COL19A1: variants seen among roughly 807,000 people sequenced by gnomAD.
COL19A1 encodes collagen alpha-1(XIX) chain.
COL19A1 carries 159 observed loss-of-function variants against 190.2 expected under a neutral mutation model. The ratio of observed to expected loss-of-function variants is 0.84; its 90% confidence interval spans 0.73 to 0.95. The LOEUF is 0.95. COL19A1 is among the 40% of genes least tolerant of loss of function. The pLI, the probability that COL19A1 is intolerant of heterozygous loss-of-function variation, is 0.00. For synonymous variants in COL19A1, 509 were observed against 458.9 expected (o/e 1.11, Z -1.39); for missense variants, 1,418 against 1,431.9 (o/e 0.99, Z 0.16).
chr6:69,971,624 C>A (rs773355230), intron 11 of COL19A1, among the ~76,000 whole-genome samples: 1 of 152,152 alleles, frequency 6.6e-6, no homozygotes, highest in Non-Finnish European at 1.5e-5. Context: ...ACAGAGAATT[C>A]CAAACGTTTT....
At chr6:70,004,744 G>A (rs1046292960) in intron 11 of COL19A1, among the ~76,000 whole-genome samples, 3 of 151,848 alleles carry the variant, frequency 2.0e-5, no homozygotes, top group African/African-American at 7.3e-5. Context: ...TCTCTAAACT[G>A]GTTATTCTAG....
intron 9 of COL19A1, among the ~76,000 whole-genome samples, chr6:69,950,425 A>G (rs1232243724): frequency 9.9e-5 from 15 of 151,824 alleles, no homozygotes; most frequent in Non-Finnish European, 1.5e-5. Flanking sequence ...ACTGTTAAAC[A>G]TTGCATAAAA....
chr6:70,158,050 G>A (rs1008712348), intron 34 of COL19A1, among the ~76,000 whole-genome samples: 24 of 152,022 alleles, frequency 1.6e-4, no homozygotes, highest in African/African-American at 5.8e-4. Flanking sequence ...TCACAAAATT[G>A]TACACAATTC....
intron 11 of COL19A1, among the ~76,000 whole-genome samples, chr6:70,008,630 T>G: frequency 6.6e-6 from 1 of 151,908 alleles, no homozygotes; most frequent in East Asian, 1.9e-4. Flanking sequence ...AGACCAATCC[T>G]ACACATAATT....
chr6:70,154,749 G>C (rs1212337130), intron 31 of COL19A1, among the ~76,000 whole-genome samples: 6 of 152,192 alleles, frequency 3.9e-5, no homozygotes, highest in Non-Finnish European at 8.8e-5. Flanking sequence ...AGGCCTGAGA[G>C]CCCCTGGCAA....
At chr6:69,893,053 G>A (rs890534153) in intron 2 of COL19A1, among the ~76,000 whole-genome samples, 8 of 152,164 alleles carry the variant, frequency 5.3e-5, no homozygotes, top group East Asian at 1.9e-4. Context: ...ATTAAAGGCC[G>A]TAAAAGGTTC....
intron 12 of COL19A1, among the ~76,000 whole-genome samples, chr6:70,027,190 C>A (rs1778774185): frequency 6.6e-6 from 1 of 152,156 alleles, no homozygotes; most frequent in South Asian, 2.1e-4. Context: ...TATTGGAATG[C>A]TTTAATATTT....
rs527579249 is a variant in COL19A1, at chr6:70,168,690, G to C, written c.2568+9G>C. 1 of 1,612,546 alleles carries C rather than the reference G, an allele frequency of 6.2e-7. No homozygotes were observed. The highest frequency in any genetic ancestry group is 1.3e-5 in the African/African-American group (1 of 74,958). ...GCGATCCTGGCCCAGTGGTATGAAT[G>C]TTCCCATGTTTTGTGTCATTTAGAA... On this transcript the variant is annotated intron_variant, in intron 40 of 50. Coordinates refer to ENST00000620364, the MANE Select transcript of COL19A1 (RefSeq NM_001858.6).
chr6:69,988,239 C>T (rs772713628), intron 11 of COL19A1, among the ~76,000 whole-genome samples: 11 of 152,198 alleles, frequency 7.2e-5, no homozygotes, highest in Non-Finnish European at 7.3e-5. Flanking sequence ...GAAAAGGTTA[C>T]ATGTCATTTC....
intron 23 of COL19A1, 44 bp from the exon 24 acceptor site, chr6:70,144,166 G>A (rs747583676): frequency 6.7e-7 from 1 of 1,494,544 alleles, no homozygotes; most frequent in Non-Finnish European, 9.3e-7. Context: ...GTTATTGTAA[G>A]AGATGTTCTC....
intron 9 of COL19A1, among the ~76,000 whole-genome samples, chr6:69,959,452 A>G (rs979748294): frequency 3.3e-5 from 5 of 152,192 alleles, no homozygotes; most frequent in African/African-American, 1.2e-4. Context: ...AGCCAGAATT[A>G]AATCTTTTTC....
At chr6:69,964,395 A>G (rs1468342626) in intron 11 of COL19A1, among the ~76,000 whole-genome samples, 2 of 152,206 alleles carry the variant, frequency 1.3e-5, no homozygotes, top group African/African-American at 4.8e-5. Flanking sequence ...ATGTCTTTAA[A>G]TAAATGCTTT....
At chr6:70,094,797 G>A (rs1169867221) in intron 15 of COL19A1, among the ~76,000 whole-genome samples, 3 of 152,078 alleles carry the variant, frequency 2.0e-5, no homozygotes, top group African/African-American at 7.2e-5. Context: ...TTTTCTTGCT[G>A]TTAATAGTGA....
chr6:70,047,789 A>C lies in COL19A1; in HGVS notation c.1170+11850A>C, dbSNP rs1232568745. ...AAAGTTTTACTGAAATACATTACTA[A>C]GGCTTCAGAAGCAAGACAGGGACTA... On this transcript the variant is annotated intron_variant, in intron 14 of 50. Transcript: ENST00000620364. Among the ~76,000 whole-genome samples the C allele has an allele frequency of 2.6e-5, 4 of 152,144 alleles. No homozygotes were observed. The East Asian group carries it at 5.8e-4, about 22-fold the overall frequency.
intron 15 of COL19A1, among the ~76,000 whole-genome samples, chr6:70,095,524 T>C (rs1439234004): frequency 1.3e-5 from 2 of 152,214 alleles, no homozygotes; most frequent in Admixed American, 6.5e-5. Context: ...TGTTTTCTTT[T>C]GAATTGTGGT....
intron 4 of COL19A1, among the ~76,000 whole-genome samples, chr6:69,905,736 C>T (rs910871333): frequency 6.6e-6 from 1 of 152,186 alleles, no homozygotes; most frequent in South Asian, 2.1e-4. Flanking sequence ...CTTACAACAT[C>T]ATTGTACACT....
At chr6:69,955,100 A>G (rs1007570673) in intron 9 of COL19A1, among the ~76,000 whole-genome samples, 6 of 152,078 alleles carry the variant, frequency 3.9e-5, no homozygotes, top group African/African-American at 9.7e-5. Context: ...ATTTTTATGA[A>G]GTTTTAAGTT....
intron 14 of COL19A1, among the ~76,000 whole-genome samples, chr6:70,067,160 T>C (rs1014247823): frequency 6.6e-6 from 1 of 152,152 alleles, no homozygotes; most frequent in African/African-American, 2.4e-5. Flanking sequence ...CTCCAAGTGG[T>C]ACATCAGGGA....
chr6:69,917,539 T>C (rs1416614025), intron 4 of COL19A1, among the ~76,000 whole-genome samples: 2 of 152,112 alleles, frequency 1.3e-5, no homozygotes, highest in Non-Finnish European at 1.5e-5. Flanking sequence ...GAAATCACAT[T>C]CCACAAAACG....
Sources: allele counts gnomAD v4.1 joint callset (sites outside exome capture counted in the v4.1 genomes callset), GRCh38; gene constraint gnomAD v4.1.1; transcripts MANE v1.5; gene names NCBI Gene and HGNC (gene_info 2026-07-23, HGNC 2026-07-21).